Variants in XYLT1 observed in about 807,000 individuals in gnomAD.
XYLT1 encodes the protein beta-D-xylosyltransferase 1.
Under a neutral mutation model 91.3 loss-of-function variants are expected in XYLT1, and 36 were observed. The observed-to-expected ratio is 0.39, with a 90% CI of 0.30 to 0.52. The LOEUF is 0.52. Ranked by LOEUF, XYLT1 falls within the 20% of genes least tolerant of loss-of-function variation. The pLI, the probability that XYLT1 is intolerant of heterozygous loss-of-function variation, is 0.68. For missense variants in XYLT1, 1,242 were observed against 1,284.5 expected, an observed-to-expected ratio of 0.97 and a Z score of 0.51; for synonymous variants, 588 against 532.0, an observed-to-expected ratio of 1.11 and a Z score of -1.45.
Position 17,329,692 on chromosome 16 carries a change from G to T in XYLT1, c.402+28320C>A, listed in dbSNP as rs187170719. Among the ~76,000 whole-genome samples, 13 of 152,262 alleles carry T rather than the reference G, an allele frequency of 8.5e-5. No individual in the cohort carries two copies. In the East Asian group the frequency reaches 1.4e-3, roughly 16 times the overall value. On this transcript the variant is annotated intron_variant, in intron 2 of 11. Coordinates refer to ENST00000261381, the MANE Select transcript of XYLT1 (RefSeq NM_022166.4). ...CCAAACCAGCAACCTGTGCCTCCGGGTCTGTTACTTGCACAAACATGGACA... is the reference window on the plus strand; with the variant it reads ...CCAAACCAGCAACCTGTGCCTCCGGTTCTGTTACTTGCACAAACATGGACA...
In XYLT1 at chr16:17,323,220, G is replaced by A. The variant is rs1275171420; in HGVS notation, c.402+34792C>T. ...TTCTATGATATCCCTCTCCAGAAGG[G>A]AGAAAGGCTCTGTTTACTGGGGCAG... On this transcript the variant is annotated intron_variant, in intron 2 of 11. Coordinates refer to ENST00000261381, the MANE Select transcript of XYLT1 (RefSeq NM_022166.4). 2.0e-5 allele frequency among the ~76,000 whole-genome samples: 3 copies of A among 152,232 alleles called. No individual in the cohort carries two copies. The South Asian group carries it at 6.2e-4, about 32-fold the overall frequency.
At chr16:17,444,451 T>TCAACCTCC (rs1353192427) in intron 1 of XYLT1, among the ~76,000 whole-genome samples, 1 of 151,780 alleles carries the variant, frequency 6.6e-6, no homozygotes. Flanking sequence ...TCTTCCTGCC[T>TCAACCTCC]CAACCTCCCA....
intron 2 of XYLT1, among the ~76,000 whole-genome samples, chr16:17,273,039 A>G (rs1368840809): frequency 6.6e-6 from 1 of 152,224 alleles, no homozygotes; most frequent in Non-Finnish European, 1.5e-5. Flanking sequence ...TCGTGGCTGG[A>G]CAATGAAGAG....
chr16:17,164,189 T>C (rs2031625182), intron 5 of XYLT1, among the ~76,000 whole-genome samples: 1 of 152,096 alleles, frequency 6.6e-6, no homozygotes, highest in South Asian at 2.1e-4. Flanking sequence ...AACTTCTGCT[T>C]CTAGTGTACC....
At chr16:17,431,889 G>A (rs987384274) in intron 1 of XYLT1, among the ~76,000 whole-genome samples, 1 of 152,254 alleles carries the variant, frequency 6.6e-6, no homozygotes, top group African/African-American at 2.4e-5. Flanking sequence ...AGCAGCCATG[G>A]CTGCGGATCC....
At chr16:17,418,709 A>G (rs2036210647) in intron 1 of XYLT1, among the ~76,000 whole-genome samples, 1 of 152,098 alleles carries the variant, frequency 6.6e-6, no homozygotes, top group Admixed American at 6.5e-5. Flanking sequence ...TAAGCCATCC[A>G]TGGTGGTGAA....
intron 5 of XYLT1, among the ~76,000 whole-genome samples, chr16:17,197,564 G>A (rs2032454674): frequency 6.6e-6 from 1 of 152,118 alleles, no homozygotes; most frequent in Non-Finnish European, 1.5e-5. Context: ...TCAGTGGACT[G>A]GGAAAGGCAG....
chr16:17,389,978 C>T (rs1191335124), intron 1 of XYLT1, among the ~76,000 whole-genome samples: 3 of 152,094 alleles, frequency 2.0e-5, no homozygotes, highest in Non-Finnish European at 4.4e-5. Flanking sequence ...CAGGTCGTGC[C>T]CTGTACCTGC....
chr16:17,180,864 C>T (rs1250214974), intron 5 of XYLT1, among the ~76,000 whole-genome samples: 8 of 152,090 alleles, frequency 5.3e-5, no homozygotes, highest in South Asian at 4.1e-4. Context: ...TTGCTCTCTG[C>T]GTTGGCTTCT....
chr16:17,457,860 C>T (rs2036765320), intron 1 of XYLT1, among the ~76,000 whole-genome samples: 1 of 151,974 alleles, frequency 6.6e-6, no homozygotes, highest in Non-Finnish European at 1.5e-5. Context: ...AGCCACTAGT[C>T]TGGGGAAAAA....
chr16:17,139,226 C>A (rs1056730248), intron 7 of XYLT1, among the ~76,000 whole-genome samples: 2 of 152,192 alleles, frequency 1.3e-5, no homozygotes, highest in Non-Finnish European at 2.9e-5. Flanking sequence ...CAGTCCCAGG[C>A]AAATATATTT....
At position 17,434,882 on chromosome 16, in the gene XYLT1, A is replaced by G. The variant is rs192077779; in HGVS notation, c.363+35552T>C. ...GACCCTGTCTCTAAGAAAAAAAAAA[A>G]AAGAAGAAGAAGAAGAATGGAATTA... On this transcript the variant is annotated intron_variant, in intron 1 of 11. Coordinates refer to ENST00000261381, the MANE Select transcript of XYLT1 (RefSeq NM_022166.4). Among the ~76,000 whole-genome samples, 63 of 152,212 alleles carry G rather than the reference A, an allele frequency of 4.1e-4. 1 individual carries two copies. Among genetic ancestry groups the G allele is most frequent in the African/African-American group, 1.5e-3 (61 of 41,516 alleles).
chr16:17,120,809 T>G (rs2030023999), intron 10 of XYLT1, among the ~76,000 whole-genome samples: 1 of 152,130 alleles, frequency 6.6e-6, no homozygotes, highest in African/African-American at 2.4e-5. Flanking sequence ...TCAATATATC[T>G]CTATAGAGAT....
Position 17,205,110 on chromosome 16 carries a change from C to T in XYLT1, c.914-4456G>A, listed in dbSNP as rs567022706. On this transcript the variant is annotated intron_variant, in intron 3 of 11. Transcript: ENST00000261381. ...ATGAATGTTAACAAGCCAGGTTTAT[C>T]GAGAGAGAATATCAAGTATATTTTT... 4.0e-4 allele frequency among the ~76,000 whole-genome samples: 61 copies of T among 152,178 alleles called. 1 individual carries two copies. The South Asian group carries it at 0.011, about 27-fold the overall frequency.
At chr16:17,296,246 A>G (rs774053242) in intron 2 of XYLT1, among the ~76,000 whole-genome samples, 2 of 138,948 alleles carry the variant, frequency 1.4e-5, no homozygotes, top group Non-Finnish European at 3.0e-5. Flanking sequence ...ACAAACCTAA[A>G]CCAAACCATG....
intron 9 of XYLT1, among the ~76,000 whole-genome samples, chr16:17,133,703 G>C (rs8060069): frequency 0.027 from 4,153 of 152,276 alleles, 201 homozygotes; most frequent in African/African-American, 0.094. Flanking sequence ...CAACGTGAAA[G>C]TCTTGACTGG....
At chr16:17,335,959 C>A (rs1231497603) in intron 2 of XYLT1, among the ~76,000 whole-genome samples, 4 of 152,182 alleles carry the variant, frequency 2.6e-5, no homozygotes, top group Non-Finnish European at 5.9e-5. Context: ...TTAAAATCAT[C>A]TTGTGAGTCA....
intron 2 of XYLT1, among the ~76,000 whole-genome samples, chr16:17,346,853 T>G (rs898317570): frequency 2.0e-5 from 3 of 152,214 alleles, no homozygotes; most frequent in Non-Finnish European, 4.4e-5. Flanking sequence ...CCCACCCATC[T>G]GGCACCTGCA....
intron 5 of XYLT1, among the ~76,000 whole-genome samples, chr16:17,195,344 C>T (rs2032402980): frequency 6.6e-6 from 1 of 152,162 alleles, no homozygotes; most frequent in Non-Finnish European, 1.5e-5. Context: ...TCTTCTAGGT[C>T]TCGGTTCAAA....
Sources: gnomAD v4.1 joint callset for allele counts (sites outside exome capture counted in the v4.1 genomes callset) on GRCh38, gnomAD v4.1.1 for gene constraint, MANE v1.5 for transcripts, NCBI Gene and HGNC (gene_info 2026-07-23, HGNC 2026-07-21) for gene names.